The following STAG1 variants were observed in gnomAD, a reference collection of about 807,000 sequenced individuals.
STAG1 encodes the protein STAG1 cohesin complex component.
STAG1 carries 26 observed loss-of-function variants against 170.9 expected under a neutral mutation model. The observed-to-expected ratio is 0.15, with a 90% CI of 0.11 to 0.21. The LOEUF (loss-of-function observed/expected upper bound fraction) is 0.21. Ranked by LOEUF, STAG1 falls within the 10% of genes least tolerant of loss-of-function variation. The probability of loss-of-function intolerance (pLI) is 1.00; values close to 1 mark genes in which losing one functional copy is unlikely to be tolerated. For synonymous variants in STAG1, 514 were observed against 497.7 expected, an observed-to-expected ratio of 1.03 and a Z score of -0.44; for missense variants, 964 against 1,509.5, an observed-to-expected ratio of 0.64 and a Z score of 5.99.
At chr3:136,696,375 T>C (rs9833207) in intron 1 of STAG1, among the ~76,000 whole-genome samples, 6,778 of 152,262 alleles carry the variant, frequency 0.045, 174 homozygotes, top group East Asian at 0.13. Context: ...GTATGACAAT[T>C]AACCTCAATT....
At chr3:136,381,577 GGAA>G (rs2108314139) in intron 22 of STAG1, among the ~76,000 whole-genome samples, 1 of 152,242 alleles carries the variant, frequency 6.6e-6, no homozygotes, top group South Asian at 2.1e-4. Flanking sequence ...AGGAAGATAA[GGAA>G]GAAGTCAACT....
chr3:136,350,501 C>T (rs1936396153), intron 28 of STAG1, among the ~76,000 whole-genome samples: 1 of 152,132 alleles, frequency 6.6e-6, no homozygotes, highest in East Asian at 1.9e-4. Flanking sequence ...ACACTGGAAC[C>T]CTGAATGCCC....
At chr3:136,419,422 T>C (rs1029653825) in intron 20 of STAG1, among the ~76,000 whole-genome samples, 3 of 152,076 alleles carry the variant, frequency 2.0e-5, no homozygotes, top group African/African-American at 7.2e-5. Context: ...AAATTACAAT[T>C]TGACAACACA....
intron 5 of STAG1, among the ~76,000 whole-genome samples, chr3:136,542,752 G>A (rs759399465): frequency 5.9e-5 from 9 of 152,000 alleles, no homozygotes; most frequent in Non-Finnish European, 8.8e-5. Flanking sequence ...TAATGACGAT[G>A]GTGGTGGCAG....
chr3:136,386,073 C>A lies in STAG1; in HGVS notation c.2278-8321G>T, dbSNP rs191388830. 9.2e-3 allele frequency among the ~76,000 whole-genome samples: 1,404 copies of A among 152,286 alleles called. 80 individuals are homozygous for A. Among genetic ancestry groups the A allele is most frequent in the Admixed American group, 0.077 (1,180 of 15,294 alleles). The stretch of plus-strand genomic sequence containing the variant: ...ACAGTCTTGGCCGGGCGCAGTGGCT[C>A]ATGCCTGTAATCCCAGCACTTTGGG... On this transcript the variant is annotated intron_variant, in intron 22 of 33. Transcript: ENST00000383202.
At chr3:136,426,178 C>A (rs929239353) in intron 16 of STAG1, among the ~76,000 whole-genome samples, 5 of 151,260 alleles carry the variant, frequency 3.3e-5, no homozygotes, top group Non-Finnish European at 7.4e-5. Flanking sequence ...GAGGCCGAGG[C>A]GGGCAGATCA....
At chr3:136,400,559 G>A (rs1410646666) in intron 21 of STAG1, among the ~76,000 whole-genome samples, 3 of 144,944 alleles carry the variant, frequency 2.1e-5, no homozygotes, top group African/African-American at 5.1e-5. Context: ...TTTTTGAGAC[G>A]AAGTCTCGCT....
chr3:136,403,091 G>A (rs11923910), intron 21 of STAG1, among the ~76,000 whole-genome samples: 1,703 of 151,894 alleles, frequency 0.011, 21 homozygotes, highest in African/African-American at 0.039. Context: ...AGCTAAGCAT[G>A]GTGGCACATG....
At chr3:136,452,426 T>TGGTGGCGGGCAC (rs2088970811) in intron 13 of STAG1, among the ~76,000 whole-genome samples, 1 of 151,750 alleles carries the variant, frequency 6.6e-6, no homozygotes, top group Non-Finnish European at 1.5e-5. Flanking sequence ...TAGCCGGGCA[T>TGGTGGCGGGCAC]GGTGGCGGGC....
At chr3:136,598,878 T>C (rs1354547106) in intron 4 of STAG1, among the ~76,000 whole-genome samples, 1 of 152,236 alleles carries the variant, frequency 6.6e-6, no homozygotes, top group African/African-American at 2.4e-5. Context: ...CAAAATTTCC[T>C]TAATACTTCA....
At chr3:136,550,853 C>G (rs528481756) in intron 5 of STAG1, among the ~76,000 whole-genome samples, 2 of 152,036 alleles carry the variant, frequency 1.3e-5, no homozygotes, top group Admixed American at 1.3e-4. Flanking sequence ...CAATGTCTTT[C>G]GATTTGTCTG....
intron 1 of STAG1, among the ~76,000 whole-genome samples, chr3:136,729,932 G>A (rs1418490755): frequency 2.4e-5 from 3 of 125,948 alleles, no homozygotes; most frequent in South Asian, 5.3e-4. Flanking sequence ...TCTGTTGCCC[G>A]AGCTGGAGTG....
intron 21 of STAG1, among the ~76,000 whole-genome samples, chr3:136,407,251 C>A (rs2087510579): frequency 6.6e-6 from 1 of 152,158 alleles, no homozygotes; most frequent in South Asian, 2.1e-4. Flanking sequence ...GTCTCGAACT[C>A]TTGACCTCAG....
intron 27 of STAG1, 39 bp from the exon 28 acceptor site, chr3:136,357,887 G>A (rs560968990): frequency 6.5e-7 from 1 of 1,540,610 alleles, no homozygotes; most frequent in Non-Finnish European, 8.8e-7. Flanking sequence ...TTTCCAGATA[G>A]TGTAATTCTC....
intron 9 of STAG1, among the ~76,000 whole-genome samples, chr3:136,478,401 T>C (rs2089817271): frequency 6.6e-6 from 1 of 152,238 alleles, no homozygotes; most frequent in Non-Finnish European, 1.5e-5. Context: ...AAATACAATG[T>C]TAACACTTTT....
At chr3:136,736,137 AAT>A (rs1404578780) in intron 1 of STAG1, among the ~76,000 whole-genome samples, 2 of 152,236 alleles carry the variant, frequency 1.3e-5, no homozygotes, top group Admixed American at 1.3e-4. Context: ...CATTTTAAAA[AAT>A]ATGTTTAACT....
At position 136,572,601 on chromosome 3, in the gene STAG1, C is replaced by CAAAA. The variant is rs11379268; in HGVS notation, c.298-3744_298-3741dup. Among the ~76,000 whole-genome samples the CAAAA allele has an allele frequency of 5.1e-4, 34 of 66,606 alleles. 2 individuals carry two copies. Among genetic ancestry groups the CAAAA allele is most frequent in the African/African-American group, 1.7e-3 (28 of 16,610 alleles). The allele number at this position is 66,606 out of a possible 152,430, so 43.7% of individuals were successfully genotyped here. A position where few individuals can be genotyped will look rare whatever the true frequency, so the allele number is the denominator to read the frequency against. On this transcript the variant is annotated intron_variant, in intron 4 of 33. Transcript: ENST00000383202. ...CCTGGGTGACAGAGCAAGACTGTCT[C>CAAAA]AAAAAAAAAAAAAAAAAAAAAGTAA...
intron 1 of STAG1, among the ~76,000 whole-genome samples, chr3:136,729,350 A>T (rs1933868630): frequency 6.6e-6 from 1 of 152,106 alleles, no homozygotes; most frequent in South Asian, 2.1e-4. Context: ...TCTACCCTAC[A>T]TCAAGCTATC....
At chr3:136,607,055 C>T (rs1312665800) in intron 3 of STAG1, among the ~76,000 whole-genome samples, 1 of 151,890 alleles carries the variant, frequency 6.6e-6, no homozygotes, top group Non-Finnish European at 1.5e-5. Flanking sequence ...CAGCCAGTAA[C>T]ATGCCATTTT....
Sources: gnomAD v4.1 joint callset for allele counts (sites outside exome capture counted in the v4.1 genomes callset) on GRCh38, gnomAD v4.1.1 for gene constraint, MANE v1.5 for transcripts, NCBI Gene and HGNC (gene_info 2026-07-23, HGNC 2026-07-21) for gene names.